Variants in PBRM1 observed in about 807,000 individuals in gnomAD.
PBRM1 encodes the protein protein polybromo-1.
Under a neutral mutation model 194.5 loss-of-function variants are expected in PBRM1, and 27 were observed. The ratio of observed to expected loss-of-function variants is 0.14; its 90% CI spans 0.10 to 0.19. The LOEUF (loss-of-function observed/expected upper bound fraction) is 0.19. Ranked by LOEUF, PBRM1 falls within the 10% of genes least tolerant of loss-of-function variation. PBRM1 has a pLI of 1.00. For missense variants in PBRM1, 1,466 were observed against 2,077.2 expected (o/e 0.71, Z 5.72); for synonymous variants, 655 against 693.2 (o/e 0.94, Z 0.87).
chr3:52,610,944 A>T (rs1161494954), intron 15 of PBRM1, among the ~76,000 whole-genome samples: 2 of 152,202 alleles, frequency 1.3e-5, no homozygotes, highest in African/African-American at 2.4e-5. Flanking sequence ...GTCTCAAAAA[A>T]ACAAAACAAA....
chr3:52,643,697 C>A (rs769494038), intron 8 of PBRM1, among the ~76,000 whole-genome samples: 4 of 152,216 alleles, frequency 2.6e-5, no homozygotes, highest in African/African-American at 9.7e-5. Context: ...CCTGGCCGGG[C>A]GCAGTGGCTC....
intron 15 of PBRM1, among the ~76,000 whole-genome samples, chr3:52,610,511 C>T (rs1337880931): frequency 6.6e-6 from 1 of 152,160 alleles, no homozygotes; most frequent in Admixed American, 6.5e-5. Context: ...TGTTGAGGAG[C>T]CCTCACCTTT....
intron 9 of PBRM1, 21 bp from the exon 11 acceptor site, chr3:52,642,066 A>G (rs2096112363): frequency 1.7e-6 from 2 of 1,207,568 alleles, no homozygotes; most frequent in African/African-American, 3.0e-5. Context: ...AAAAAAAGCA[A>G]TTAGACAGGG....
intron 13 of PBRM1, among the ~76,000 whole-genome samples, chr3:52,618,101 T>C (rs2095064327): frequency 6.6e-6 from 1 of 152,238 alleles, no homozygotes; most frequent in Admixed American, 6.5e-5. Context: ...CTTGCATTGA[T>C]TCTGTCAGGG....
At chr3:52,571,323 C>CAA (rs34396226) in intron 22 of PBRM1, among the ~76,000 whole-genome samples, 3,143 of 88,252 alleles carry the variant, frequency 0.036, 168 homozygotes, top group African/African-American at 0.14. Flanking sequence ...ACACTGTCTC[C>CAA]AAAAAAAAAA....
chr3:52,555,385 A>C (rs1012431184), intron 26 of PBRM1, among the ~76,000 whole-genome samples: 2 of 152,208 alleles, frequency 1.3e-5, no homozygotes, highest in African/African-American at 2.4e-5. Flanking sequence ...TTGGGGCAGG[A>C]ATTGTTCAAG....
chr3:52,605,669 C>A (rs1322641271), intron 16 of PBRM1, among the ~76,000 whole-genome samples: 2 of 148,882 alleles, frequency 1.3e-5, no homozygotes, highest in Non-Finnish European at 3.0e-5. Context: ...GTGGTGCGGT[C>A]TCAGCTCATT....
chr3:52,620,727 T>G (rs760613705), intron 13 of PBRM1, among the ~76,000 whole-genome samples: 54 of 152,208 alleles, frequency 3.5e-4, no homozygotes, highest in Non-Finnish European at 6.5e-4. Context: ...ATGAAACTGC[T>G]CTAATAACTG....
intron 19 of PBRM1, among the ~76,000 whole-genome samples, chr3:52,587,060 C>T (rs1016109646): frequency 1.3e-5 from 2 of 151,954 alleles, no homozygotes; most frequent in South Asian, 2.1e-4. Context: ...AAAAAACAAA[C>T]TGAAAATTTG....
At chr3:52,642,333 G>C (rs2096124278) in intron 9 of PBRM1, among the ~76,000 whole-genome samples, 1 of 151,956 alleles carries the variant, frequency 6.6e-6, no homozygotes, top group Non-Finnish European at 1.5e-5. Flanking sequence ...TCTATTATGA[G>C]GCTGGGCGTG....
chr3:52,678,650 G>T, intron 1 of PBRM1, 53 bp from the exon 3 acceptor site: 1 of 1,109,728 alleles, frequency 9.0e-7, no homozygotes, highest in Non-Finnish European at 1.4e-6. Context: ...CAGAAAGCCA[G>T]TGTAGACATA....
In PBRM1 at chr3:52,664,085, G is replaced by A. The variant is rs1192867593; in HGVS notation, c.385-1809C>T. ...AAAAAAAAAAAAAAAAGTTGGGCAC[G>A]GTGGCGCACACCTGTAGTCCTAGCT... On this transcript the variant is annotated intron_variant, in intron 3 of 29. Transcript: ENST00000296302. 4.6e-5 allele frequency among the ~76,000 whole-genome samples: 7 copies of A among 150,624 alleles called. No individual in the cohort carries two copies. The East Asian group carries it at 7.8e-4, about 17-fold the overall frequency.
intron 22 of PBRM1, among the ~76,000 whole-genome samples, chr3:52,571,875 A>C: frequency 6.8e-6 from 1 of 147,458 alleles, no homozygotes; most frequent in Non-Finnish European, 1.5e-5. Flanking sequence ...AAAAAAAAAA[A>C]AAAAAAAAAA....
At chr3:52,588,369 C>G (rs772670544) in intron 18 of PBRM1, among the ~76,000 whole-genome samples, 6 of 152,040 alleles carry the variant, frequency 3.9e-5, no homozygotes, top group African/African-American at 1.4e-4. Context: ...GCATGTCATT[C>G]TATAATAATT....
At chr3:52,650,449 T>C (rs2096459921) in intron 6 of PBRM1, among the ~76,000 whole-genome samples, 1 of 151,698 alleles carries the variant, frequency 6.6e-6, no homozygotes, top group Admixed American at 6.6e-5. Context: ...AATTTATCTG[T>C]GGTACTAGTA....
At chr3:52,600,766 G>A (rs895149514) in intron 17 of PBRM1, among the ~76,000 whole-genome samples, 6 of 152,152 alleles carry the variant, frequency 3.9e-5, no homozygotes, top group Non-Finnish European at 7.3e-5. Flanking sequence ...AGCCTTCCGA[G>A]TAGTTGGGAT....
intron 20 of PBRM1, among the ~76,000 whole-genome samples, chr3:52,583,374 G>A (rs773145624): frequency 1.5e-4 from 22 of 150,496 alleles, no homozygotes; most frequent in South Asian, 2.1e-4. Context: ...TCACGCTACC[G>A]CACTTCAGCC....
intron 15 of PBRM1, among the ~76,000 whole-genome samples, chr3:52,610,215 T>C (rs1219635938): frequency 2.0e-5 from 3 of 152,250 alleles, no homozygotes; most frequent in African/African-American, 7.2e-5. Flanking sequence ...TGAGTAGCTA[T>C]GTGACATTCT....
chr3:52,568,990 C>A (rs1452866016), intron 22 of PBRM1, among the ~76,000 whole-genome samples: 1 of 152,012 alleles, frequency 6.6e-6, no homozygotes, highest in Non-Finnish European at 1.5e-5. Flanking sequence ...TGGGCTCAAG[C>A]GATCCTCACA....
Sources: allele counts gnomAD v4.1 joint callset (sites outside exome capture counted in the v4.1 genomes callset), GRCh38; gene constraint gnomAD v4.1.1; transcripts MANE v1.5; gene names NCBI Gene and HGNC (gene_info 2026-07-23, HGNC 2026-07-21).